Variants in RTKN2 observed in about 807,000 individuals in gnomAD.
RTKN2 encodes rhotekin-2.
RTKN2 carries 69 observed loss-of-function variants against 71.5 expected under a neutral mutation model. The ratio of observed to expected loss-of-function variants is 0.96; its 90% CI spans 0.79 to 1.18. The LOEUF (loss-of-function observed/expected upper bound fraction) is 1.18. RTKN2 is among the 50% of genes most tolerant of loss of function. The probability of loss-of-function intolerance (pLI) is 0.00; values close to 1 mark genes in which losing one functional copy is unlikely to be tolerated. For synonymous variants in RTKN2, 236 were observed against 236.5 expected, an observed-to-expected ratio of 1.00 and a Z score of 0.02; for missense variants, 724 against 719.7, an observed-to-expected ratio of 1.01 and a Z score of -0.07.
At chr10:62,234,759 T>C (rs1438140155) in intron 6 of RTKN2, among the ~76,000 whole-genome samples, 9 of 152,086 alleles carry the variant, frequency 5.9e-5, no homozygotes, top group Non-Finnish European at 5.9e-5. Context: ...CACCAAATTA[T>C]AATCCATAAT....
chr10:62,230,760 G>C (rs754081757), intron 6 of RTKN2, among the ~76,000 whole-genome samples: 8 of 152,070 alleles, frequency 5.3e-5, no homozygotes, highest in Admixed American at 1.3e-4. Flanking sequence ...CCAGTGTATC[G>C]TATTGGCTTT....
downstream of RTKN2, among the ~76,000 whole-genome samples, chr10:62,189,527 C>T (rs1359633354): frequency 2.0e-5 from 3 of 152,092 alleles, no homozygotes; most frequent in South Asian, 6.2e-4. Context: ...TTCCAATAGC[C>T]TATCAATAAA....
chr10:62,256,002 A>G (rs189962038), intron 2 of RTKN2, among the ~76,000 whole-genome samples: 6 of 149,638 alleles, frequency 4.0e-5, no homozygotes, highest in Admixed American at 3.4e-4. Context: ...TTTAAAGGCT[A>G]TATTTTTAAA....
Position 62,196,010 on chromosome 10 carries a change from T to G in RTKN2, c.*1898A>C. Reference sequence around the variant, plus strand: ...TGACAAGAATATAATCTGGAAGTTTTAATACTGATTTGTAATAAAGGAAGG... The same window carrying G: ...TGACAAGAATATAATCTGGAAGTTTGAATACTGATTTGTAATAAAGGAAGG... On this transcript the variant is annotated 3_prime_UTR_variant, in exon 12 of 12. Coordinates refer to ENST00000373789, the MANE Select transcript of RTKN2 (RefSeq NM_145307.4). 1.0e-6 allele frequency: 1 copy of G among 984,892 alleles called. No homozygotes were observed. The highest frequency in any genetic ancestry group is 1.7e-5 in the African/African-American group (1 of 57,310). 61.0% of individuals were successfully genotyped at this position (984,892 alleles called of 1,614,324 possible).
intron 2 of RTKN2, among the ~76,000 whole-genome samples, chr10:62,257,452 A>G (rs142879414): frequency 1.3e-5 from 2 of 152,336 alleles, no homozygotes; most frequent in African/African-American, 4.8e-5. Flanking sequence ...ATTATCAAGG[A>G]AACTTTGAGG....
chr10:62,263,205 G>T (rs1364905872), intron 1 of RTKN2, among the ~76,000 whole-genome samples: 1 of 152,138 alleles, frequency 6.6e-6, no homozygotes, highest in African/African-American at 2.4e-5. Flanking sequence ...GGATTAGAGT[G>T]GGTCCTAAAT....
intron 6 of RTKN2, among the ~76,000 whole-genome samples, chr10:62,235,706 A>G (rs1019090708): frequency 1.3e-5 from 2 of 151,840 alleles, no homozygotes; most frequent in African/African-American, 4.8e-5. Flanking sequence ...GTATGTATAT[A>G]AAAATTAATG....
At chr10:62,224,875 G>A (rs954891821) in intron 6 of RTKN2, among the ~76,000 whole-genome samples, 12 of 152,134 alleles carry the variant, frequency 7.9e-5, no homozygotes, top group East Asian at 1.9e-4. Context: ...ATGGTGCAAC[G>A]CAAGGCTGGA....
intron 2 of RTKN2, among the ~76,000 whole-genome samples, chr10:62,247,197 A>T (rs934137528): frequency 3.9e-5 from 6 of 151,956 alleles, no homozygotes; most frequent in Non-Finnish European, 5.9e-5. Context: ...ACAGCAACAC[A>T]CTGCTTTCAG....
chr10:62,197,340 A>G lies in RTKN2; in HGVS notation c.*568T>C. ...ATTCCCTTTAAAGATGAAGAATTTA[A>G]TATTCTAAAATTTATCCCAGGAATT... On this transcript the variant is annotated 3_prime_UTR_variant, in exon 12 of 12. Coordinates refer to ENST00000373789, the MANE Select transcript of RTKN2 (RefSeq NM_145307.4). The G allele has an allele frequency of 1.0e-6, 1 of 984,920 alleles. No homozygotes were observed. Among genetic ancestry groups the G allele is most frequent in the Non-Finnish European group, 1.2e-6 (1 of 829,090 alleles). The allele number at this position is 984,920 out of a possible 1,614,324, so 61.0% of individuals were successfully genotyped here. A position where few individuals can be genotyped will look rare whatever the true frequency, so the allele number is the denominator to read the frequency against.
chr10:62,255,610 T>G (rs1842660433), intron 2 of RTKN2, among the ~76,000 whole-genome samples: 1 of 151,612 alleles, frequency 6.6e-6, no homozygotes. Flanking sequence ...TAAATGTAAT[T>G]GATTTAGGGA....
intron 6 of RTKN2, among the ~76,000 whole-genome samples, chr10:62,232,690 C>T (rs1842174935): frequency 6.6e-6 from 1 of 151,652 alleles, no homozygotes; most frequent in African/African-American, 2.4e-5. Flanking sequence ...ATTTTATAAT[C>T]CTATGTCAAG....
intron 6 of RTKN2, among the ~76,000 whole-genome samples, chr10:62,224,197 G>A (rs925687015): frequency 1.3e-5 from 2 of 152,064 alleles, no homozygotes; most frequent in Non-Finnish European, 1.5e-5. Context: ...AGGATAGAAG[G>A]AGGAATTAGT....
intron 10 of RTKN2, among the ~76,000 whole-genome samples, chr10:62,200,952 A>C (rs1309209867): frequency 2.0e-5 from 3 of 152,152 alleles, no homozygotes; most frequent in Non-Finnish European, 4.4e-5. Context: ...TATTTTAATT[A>C]TGTTTCACAC....
rs781178382 is a variant in RTKN2 at position 62,223,312 on chromosome 10, A to G, written c.707T>C (p.Leu236Pro). The G allele has an allele frequency of 6.2e-7, 1 of 1,606,670 alleles. No individual in the cohort carries two copies. Among genetic ancestry groups the G allele is most frequent in the Non-Finnish European group, 8.5e-7 (1 of 1,173,396 alleles). The stretch of plus-strand genomic sequence containing the variant: ...TTCCAAGGTTAGGGTAGTGTGAGCT[A>G]GCAAATTATACTTTACACCACTAAT... ...SAVFGVKYNLLAHTTLTLESA... is the reference protein window; with the variant it reads ...SAVFGVKYNLPAHTTLTLESA... Residue 236 changes from leucine to proline, a missense_variant, in exon 7 of 12, where the codon CTA becomes CCA. Transcript: ENST00000373789.
At chr10:62,237,323 G>A (rs1479237833) in intron 5 of RTKN2, among the ~76,000 whole-genome samples, 1 of 151,652 alleles carries the variant, frequency 6.6e-6, no homozygotes, top group East Asian at 1.9e-4. Flanking sequence ...CAAGGTTTAT[G>A]GGAAAAAAAA....
intron 6 of RTKN2, among the ~76,000 whole-genome samples, chr10:62,227,232 AATAG>A (rs937639304): frequency 2.4e-4 from 36 of 152,210 alleles, no homozygotes; most frequent in African/African-American, 8.4e-4. Flanking sequence ...CAGGAAGAAA[AATAG>A]ATAGAAAAAT....
chr10:62,191,075 C>G (rs983445341), downstream of RTKN2, among the ~76,000 whole-genome samples: 1 of 151,964 alleles, frequency 6.6e-6, no homozygotes, highest in Non-Finnish European at 1.5e-5. Context: ...ATTTGAAAAC[C>G]CTATTATTAT....
chr10:62,195,494 G>A lies in RTKN2; in HGVS notation c.*2414C>T. On this transcript the variant is annotated 3_prime_UTR_variant, in exon 12 of 12. Coordinates refer to ENST00000373789, the MANE Select transcript of RTKN2 (RefSeq NM_145307.4). ...GGAAGGGAGGAAGGAGAGACAGAAG[G>A]AAAGTGGGAAAAGGGGATGAGACAG... 1 of 905,810 alleles carries A rather than the reference G, an allele frequency of 1.1e-6. No individual in the cohort carries two copies. The allele number at this position is 905,810 out of a possible 1,614,324, so 56.1% of individuals were successfully genotyped here. A position where few individuals can be genotyped will look rare whatever the true frequency, so the allele number is the denominator to read the frequency against.
Sources: gnomAD v4.1 joint callset for allele counts (sites outside exome capture counted in the v4.1 genomes callset) on GRCh38, gnomAD v4.1.1 for gene constraint, MANE v1.5 for transcripts, NCBI Gene and HGNC (gene_info 2026-07-23, HGNC 2026-07-21) for gene names.